GRIA1: variants seen among roughly 807,000 people sequenced by gnomAD.
The protein encoded by GRIA1 is glutamate ionotropic receptor AMPA type subunit 1, also known as glutamate receptor 1.
Under a neutral mutation model 99.2 loss-of-function variants are expected in GRIA1, and 31 were observed. The ratio of observed to expected loss-of-function variants is 0.31; its 90% CI spans 0.23 to 0.42. GRIA1 has a LOEUF of 0.42. Among genes scored for constraint, GRIA1 ranks in the 10% least tolerant of loss-of-function variants. The pLI is 1.00. For missense variants in GRIA1, 782 were observed against 1,157.5 expected (o/e 0.68, Z 4.71); for synonymous variants, 438 against 432.4 (o/e 1.01, Z -0.16).
chr5:153,796,459 A>C (rs1367440222), intron 14 of GRIA1, among the ~76,000 whole-genome samples: 1 of 152,222 alleles, frequency 6.6e-6, no homozygotes, highest in Admixed American at 6.5e-5. Flanking sequence ...ATGACAACAA[A>C]AAAATATTAA....
At chr5:153,518,521 C>A (rs1299518807) in intron 2 of GRIA1, among the ~76,000 whole-genome samples, 11 of 152,154 alleles carry the variant, frequency 7.2e-5, no homozygotes, top group Non-Finnish European at 1.5e-4. Context: ...TACTCTGAAG[C>A]TGCTCATGGC....
intron 2 of GRIA1, among the ~76,000 whole-genome samples, chr5:153,628,539 G>A (rs1767851832): frequency 6.6e-6 from 1 of 152,196 alleles, no homozygotes; most frequent in Admixed American, 6.5e-5. Flanking sequence ...TATTGTCTGT[G>A]CTATGACTAT....
chr5:153,536,557 C>T (rs746833575), intron 2 of GRIA1, among the ~76,000 whole-genome samples: 4 of 152,148 alleles, frequency 2.6e-5, no homozygotes, highest in Admixed American at 6.6e-5. Flanking sequence ...AAGTGCAGTA[C>T]ATTTCACATA....
At chr5:153,655,737 T>C (rs929722837) in intron 4 of GRIA1, 82 bp from the exon 5 acceptor site, 1 of 1,162,120 alleles carries the variant, frequency 8.6e-7, no homozygotes, top group Non-Finnish European at 1.3e-6. Context: ...AAGCACTCGA[T>C]ATCAGCTGCC....
Position 153,583,300 on chromosome 5 carries a change from A to G in GRIA1, c.221-63628A>G, listed in dbSNP as rs369412076. ...TCTGTAACAAAATTCCACAAGCAGGATGGCTTAAAACAACAGAAACTCATG... is the reference window on the plus strand; with the variant it reads ...TCTGTAACAAAATTCCACAAGCAGGGTGGCTTAAAACAACAGAAACTCATG... On this transcript the variant is annotated intron_variant, in intron 2 of 15. Coordinates refer to ENST00000285900, the MANE Select transcript of GRIA1 (RefSeq NM_000827.4). 3.3e-5 allele frequency among the ~76,000 whole-genome samples: 5 copies of G among 152,250 alleles called. No homozygotes were observed. The South Asian group carries it at 1.0e-3, about 32-fold the overall frequency.
intron 11 of GRIA1, among the ~76,000 whole-genome samples, chr5:153,748,096 A>C (rs552570926): frequency 3.3e-5 from 5 of 152,340 alleles, no homozygotes; most frequent in African/African-American, 1.2e-4. Context: ...GTGGAGGGAG[A>C]TAGATAGATA....
chr5:153,549,120 C>G (rs1186423162), intron 2 of GRIA1, among the ~76,000 whole-genome samples: 3 of 152,114 alleles, frequency 2.0e-5, no homozygotes, highest in Non-Finnish European at 4.4e-5. Flanking sequence ...AATCAGCTAA[C>G]CAGAAAATGA....
rs754814414 is a variant in GRIA1 at position 153,677,082 on chromosome 5, G to A, written c.950G>A (p.Arg317Gln). 6 of 1,584,000 alleles carry A rather than the reference G, an allele frequency of 3.8e-6. No individual in the cohort carries two copies. The highest frequency in any genetic ancestry group is 1.2e-5 in the South Asian group (1 of 86,538). ...LRRQRIDISR[R>Q]GNAGDCLANP... Reference sequence around the variant, plus strand: ...AGGCAGAGAATTGATATATCTCGCCGGGGGAATGCTGGGGATTGTCTGGCT... The same window carrying A: ...AGGCAGAGAATTGATATATCTCGCCAGGGGAATGCTGGGGATTGTCTGGCT... The change falls in exon 7 of 16, where the codon CGG becomes CAG. Residue 317 changes from arginine (R) to glutamine (Q), a missense_variant. This residue lies in a region of GRIA1 where 461 missense variants were observed against 521.7 expected (regional missense o/e 0.88). Transcript: ENST00000285900.
chr5:153,770,940 ATTCTT>A lies in GRIA1; in HGVS notation c.2270+526_2270+530del, dbSNP rs1763845745. On this transcript the variant is annotated intron_variant, in intron 13 of 15. Transcript: ENST00000285900. ...TAGCACCAAATTAATTATAGCACCT[ATTCTT>A]ACCTAGAGACTGATTTATTTAGCAA... Among the ~76,000 whole-genome samples, 4 of 152,346 alleles carry A rather than the reference ATTCTT, an allele frequency of 2.6e-5. No individual in the cohort carries two copies. In the South Asian group the frequency reaches 8.3e-4, roughly 32 times the overall value.
At chr5:153,579,601 A>T (rs1017586602) in intron 2 of GRIA1, among the ~76,000 whole-genome samples, 6 of 152,240 alleles carry the variant, frequency 3.9e-5, no homozygotes, top group South Asian at 4.1e-4. Flanking sequence ...TTAGTAATGC[A>T]TATAGATATA....
intron 15 of GRIA1, among the ~76,000 whole-genome samples, chr5:153,810,756 AT>A (rs2149683386): frequency 6.6e-6 from 1 of 152,346 alleles, no homozygotes; most frequent in South Asian, 2.1e-4. Flanking sequence ...AAATCACAGA[AT>A]GTAAGAATAA....
intron 13 of GRIA1, among the ~76,000 whole-genome samples, chr5:153,788,423 G>T (rs778798762): frequency 1.3e-5 from 2 of 152,064 alleles, no homozygotes; most frequent in African/African-American, 2.4e-5. Flanking sequence ...GTTTAAAAGG[G>T]TCTGTCATTC....
chr5:153,705,458 C>G (rs922558292), intron 10 of GRIA1, among the ~76,000 whole-genome samples: 5 of 152,106 alleles, frequency 3.3e-5, no homozygotes, highest in Non-Finnish European at 5.9e-5. Context: ...GAGGAAGATG[C>G]CTCTAACATT....
intron 8 of GRIA1, among the ~76,000 whole-genome samples, chr5:153,694,274 T>C (rs1757949836): frequency 2.0e-5 from 3 of 152,168 alleles, no homozygotes; most frequent in Admixed American, 6.5e-5. Flanking sequence ...TTTTTTTTCC[T>C]ATCTTGTATG....
chr5:153,725,051 G>A (rs923076691), intron 11 of GRIA1, among the ~76,000 whole-genome samples: 26 of 152,140 alleles, frequency 1.7e-4, no homozygotes, highest in East Asian at 3.8e-4. Context: ...CGGATCTCTC[G>A]GCAGAAACTC....
chr5:153,755,307 G>C (rs1762754667), intron 11 of GRIA1: 3 of 152,222 alleles, frequency 2.0e-5, no homozygotes, highest in Admixed American at 2.0e-4. Flanking sequence ...GTACAGCTGG[G>C]CAGTAGGGGC....
intron 2 of GRIA1, among the ~76,000 whole-genome samples, chr5:153,602,665 A>G (rs2149399812): frequency 6.6e-6 from 1 of 152,322 alleles, no homozygotes; most frequent in Middle Eastern, 3.4e-3. Flanking sequence ...ATTTGCCCAA[A>G]GTCCAGCCAT....
chr5:153,700,099 G>A (rs1004714640), intron 10 of GRIA1, among the ~76,000 whole-genome samples: 12 of 152,244 alleles, frequency 7.9e-5, no homozygotes, highest in Admixed American at 5.2e-4. Flanking sequence ...TAAACAGACC[G>A]AGAGGCCGGG....
intron 13 of GRIA1, among the ~76,000 whole-genome samples, chr5:153,776,500 C>A (rs1002755307): frequency 6.6e-6 from 1 of 152,182 alleles, no homozygotes; most frequent in African/African-American, 2.4e-5. Flanking sequence ...AGGACACAAG[C>A]TTTCCGGCAC....
Sources: allele counts gnomAD v4.1 joint callset (sites outside exome capture counted in the v4.1 genomes callset), GRCh38; gene constraint gnomAD v4.1.1; regional missense constraint gnomAD v4.1.1; transcripts MANE v1.5; gene names NCBI Gene and HGNC (gene_info 2026-07-23, HGNC 2026-07-21).